The following RAI14 variants were observed in gnomAD, a reference collection of about 807,000 sequenced individuals.
The protein encoded by RAI14 is ankycorbin.
RAI14 carries 45 observed loss-of-function variants against 115.4 expected under a neutral mutation model. The observed-to-expected ratio is 0.39, with a 90% CI of 0.31 to 0.50. The LOEUF is 0.50. RAI14 is among the 20% of genes least tolerant of loss of function. The pLI, the probability that RAI14 is intolerant of heterozygous loss-of-function variation, is 0.85. For missense variants in RAI14, 939 were observed against 1,131.2 expected, an observed-to-expected ratio of 0.83 and a Z score of 2.44; for synonymous variants, 371 against 415.4, an observed-to-expected ratio of 0.89 and a Z score of 1.30.
At chr5:34,798,211 G>A (rs924913976) in intron 4 of RAI14, among the ~76,000 whole-genome samples, 2 of 152,036 alleles carry the variant, frequency 1.3e-5, no homozygotes, top group African/African-American at 2.4e-5. Context: ...GCTAATTTTT[G>A]TATTTTTAGT....
intron 10 of RAI14, among the ~76,000 whole-genome samples, chr5:34,812,691 CT>C (rs1467195288): frequency 6.6e-6 from 1 of 152,028 alleles, no homozygotes; most frequent in African/African-American, 2.4e-5. Flanking sequence ...TAAAGCTTTC[CT>C]TAATAATTTG....
chr5:34,679,869 C>T (rs1280501343), intron 1 of RAI14, among the ~76,000 whole-genome samples: 1 of 151,760 alleles, frequency 6.6e-6, no homozygotes, highest in Non-Finnish European at 1.5e-5. Context: ...GACGCTAACC[C>T]GTGTCAGAGA....
intron 4 of RAI14, among the ~76,000 whole-genome samples, chr5:34,797,353 TG>T (rs1753661805): frequency 6.6e-6 from 1 of 152,100 alleles, no homozygotes; most frequent in Admixed American, 6.5e-5. Flanking sequence ...AAAATATGGT[TG>T]GGAACAGGTT....
At chr5:34,699,667 A>G (rs1286120965) in intron 2 of RAI14, among the ~76,000 whole-genome samples, 8 of 152,172 alleles carry the variant, frequency 5.3e-5, no homozygotes, top group African/African-American at 1.9e-4. Context: ...TTTTGGGGGA[A>G]ACACGATTCA....
At chr5:34,793,905 T>C (rs1471960344) in intron 3 of RAI14, among the ~76,000 whole-genome samples, 1 of 152,202 alleles carries the variant, frequency 6.6e-6, no homozygotes, top group Middle Eastern at 3.2e-3. Flanking sequence ...AATTCAATAA[T>C]TGAGGAGACT....
Position 34,757,498 on chromosome 5 carries a change from C to G in RAI14, c.67C>G (p.Leu23Val), listed in dbSNP as rs1179025871. ...TGAGTGGAACAAGAATGATGACCGG[C>G]TACTGCAGGCCGTGGAGAATGGAGA... ...TNEWNKNDDR[L>V]LQAVENGDAE... The change falls in exon 3 of 18, where the codon CTA (leucine) becomes GTA (valine). Residue 23 changes from leucine to valine, a missense_variant. Coordinates refer to ENST00000265109, the MANE Select transcript of RAI14 (RefSeq NM_015577.3). The G allele has an allele frequency of 1.2e-6, 2 of 1,613,738 alleles. No individual in the cohort carries two copies. The highest frequency in any genetic ancestry group is 1.7e-6 in the Non-Finnish European group (2 of 1,179,964).
chr5:34,679,878 G>C (rs1744265284), intron 1 of RAI14, among the ~76,000 whole-genome samples: 1 of 151,754 alleles, frequency 6.6e-6, no homozygotes, highest in South Asian at 2.1e-4. Flanking sequence ...CCGTGTCAGA[G>C]AGCTCACCCT....
At chr5:34,763,273 G>A (rs972249956) in intron 3 of RAI14, among the ~76,000 whole-genome samples, 9 of 152,072 alleles carry the variant, frequency 5.9e-5, no homozygotes, top group South Asian at 2.1e-4. Flanking sequence ...TTCTTCTCAC[G>A]TACAGCTGCC....
At chr5:34,763,793 A>G (rs926304035) in intron 3 of RAI14, among the ~76,000 whole-genome samples, 1 of 152,204 alleles carries the variant, frequency 6.6e-6, no homozygotes, top group Admixed American at 6.5e-5. Context: ...TTATACTGTA[A>G]CCAGGGTGGA....
chr5:34,805,414 C>T (rs1379519172), intron 5 of RAI14, among the ~76,000 whole-genome samples: 1 of 152,208 alleles, frequency 6.6e-6, no homozygotes, highest in Non-Finnish European at 1.5e-5. Context: ...TTATGGATCT[C>T]CCTGGGCTCT....
chr5:34,807,858 G>T lies in RAI14; in HGVS notation c.379+1G>T. On this transcript the variant is annotated splice_donor_variant, in intron 6 of 17. Coordinates refer to ENST00000265109, the MANE Select transcript of RAI14 (RefSeq NM_015577.3). LOFTEE classifies it high-confidence loss of function. ...GGGAAAACAGCTTTACATTATGCAG[G>T]TAACTTTCATTCTCCTATTTGTCTT... 1 of 1,609,556 alleles carries T rather than the reference G, an allele frequency of 6.2e-7. No individual in the cohort carries two copies. The highest frequency in any genetic ancestry group is 8.5e-7 in the Non-Finnish European group (1 of 1,175,874).
At chr5:34,699,395 G>A (rs1012807935) in intron 2 of RAI14, among the ~76,000 whole-genome samples, 12 of 152,288 alleles carry the variant, frequency 7.9e-5, no homozygotes, top group African/African-American at 2.4e-4. Flanking sequence ...AGAATCAGCC[G>A]TGTCTCTCCC....
intron 2 of RAI14, among the ~76,000 whole-genome samples, chr5:34,723,590 T>C (rs1743077203): frequency 6.6e-6 from 1 of 152,214 alleles, no homozygotes; most frequent in South Asian, 2.1e-4. Flanking sequence ...CACCGTAGTT[T>C]AGCCACCTTG....
At chr5:34,822,375 T>C (rs1007111648) in intron 14 of RAI14, among the ~76,000 whole-genome samples, 14 of 150,644 alleles carry the variant, frequency 9.3e-5, no homozygotes, top group Admixed American at 2.6e-4. Flanking sequence ...CTGTACTATA[T>C]ATCCATTACC....
At chr5:34,799,664 T>C (rs577739196) in intron 4 of RAI14, among the ~76,000 whole-genome samples, 3 of 151,060 alleles carry the variant, frequency 2.0e-5, no homozygotes, top group South Asian at 2.1e-4. Flanking sequence ...ATTTAAGTTA[T>C]AGAAGCAAGA....
intron 3 of RAI14, among the ~76,000 whole-genome samples, chr5:34,783,830 G>A (rs1751961709): frequency 1.3e-5 from 2 of 152,212 alleles, no homozygotes; most frequent in South Asian, 2.1e-4. Flanking sequence ...ATAGCCTGGG[G>A]CATTATCTGT....
chr5:34,680,797 T>C (rs916439160), intron 1 of RAI14, among the ~76,000 whole-genome samples: 1 of 152,246 alleles, frequency 6.6e-6, no homozygotes, highest in Non-Finnish European at 1.5e-5. Context: ...ATTCTCACTC[T>C]TTGAATTTCT....
chr5:34,658,796 CAAAT>C (rs34087162), intron 1 of RAI14, among the ~76,000 whole-genome samples: 4,499 of 151,664 alleles, frequency 0.03, 90 homozygotes, highest in Middle Eastern at 0.041. Context: ...GACTCTGTCT[CAAAT>C]AAATAAATAA....
Position 34,823,615 on chromosome 5 carries a change from T to G in RAI14, c.1773T>G (p.Asn591Lys). ...SSYCSVIENM[N>K]KEKAFLFEKY... ...ATTGCTCTGTTATTGAGAATATGAA[T>G]AAGGAGAAAGCATTTTTGTTTGAGA... is the stretch of plus-strand genomic sequence containing the variant. Residue 591 changes from asparagine (N) to lysine (K), a missense_variant, in exon 15 of 18, where the codon AAT (asparagine) becomes AAG (lysine). Physicochemically the swap from Asn to Lys is moderately conservative, Grantham distance 94. Transcript: ENST00000265109. This position sits in a 1 kb window ranked among gnomAD's most constrained non-coding sequence, Gnocchi z 4.5. 5.0e-6 allele frequency: 8 copies of G among 1,613,970 alleles called. No individual in the cohort carries two copies. The highest frequency in any genetic ancestry group is 6.8e-6 in the Non-Finnish European group (8 of 1,179,996).
Sources: gnomAD v4.1 joint callset for allele counts (sites outside exome capture counted in the v4.1 genomes callset) on GRCh38, gnomAD v4.1.1 for gene constraint, Gnocchi (gnomAD v3.1) non-coding constraint, MANE v1.5 for transcripts, NCBI Gene and HGNC (gene_info 2026-07-23, HGNC 2026-07-21) for gene names.